Variants in HDX observed in about 807,000 individuals in gnomAD.
The protein encoded by HDX is highly divergent homeobox.
HDX carries 19 observed loss-of-function variants against 45.2 expected under a neutral mutation model. The observed-to-expected ratio is 0.42, with a 90% CI of 0.29 to 0.62. HDX has a LOEUF of 0.62. Among genes scored for constraint, HDX ranks in the 20% least tolerant of loss-of-function variants. The pLI, the probability that HDX is intolerant of heterozygous loss-of-function variation, is 0.20. For synonymous variants in HDX, 188 were observed against 172.8 expected (o/e 1.09, Z -0.69); for missense variants, 532 against 493.9 (o/e 1.08, Z -0.73).
intron 5 of HDX, among the ~76,000 whole-genome samples, chrX:84,409,873 A>G (rs1364265046): frequency 9.6e-6 from 1 of 103,750 alleles, no homozygotes; most frequent in Non-Finnish European, 2.0e-5. Flanking sequence ...AAAATATAAT[A>G]ATAATAAAAT....
intron 6 of HDX, among the ~76,000 whole-genome samples, chrX:84,349,889 A>G (rs1278595148): frequency 1.8e-5 from 2 of 109,775 alleles, no homozygotes; most frequent in East Asian, 5.8e-4. Context: ...AGAGAGTGGA[A>G]TAATAGACAA....
At chrX:84,497,754 C>T (rs1046468674) in intron 1 of HDX, among the ~76,000 whole-genome samples, 4 of 109,869 alleles carry the variant, frequency 3.6e-5, no homozygotes, top group African/African-American at 1.3e-4. Context: ...TGTGTGTATA[C>T]ACATAAATTT....
intron 4 of HDX, among the ~76,000 whole-genome samples, chrX:84,450,492 T>C (rs1004940843): frequency 9.0e-6 from 1 of 111,504 alleles, no homozygotes; most frequent in African/African-American, 3.3e-5. Context: ...CAAAAGGATA[T>C]AAAAATTCTA....
At position 84,321,770 on chromosome X, in the gene HDX, CCGTTT is replaced by C; in HGVS notation, c.*114_*118del. On this transcript the variant is annotated 3_prime_UTR_variant, in exon 11 of 11. Coordinates refer to ENST00000373177, the MANE Select transcript of HDX (RefSeq NM_001177479.2). ...CTTGTACATTCTTCACAGAATACGTCCGTTTCAACAATGTGTTTTCCCAACTAAAG... is the reference window on the plus strand; with the variant it reads ...CTTGTACATTCTTCACAGAATACGTCCAACAATGTGTTTTCCCAACTAAAG... The C allele has an allele frequency of 2.0e-6, 1 of 511,022 alleles. No homozygotes were observed. The highest frequency in any genetic ancestry group is 3.1e-6 in the Non-Finnish European group (1 of 321,954). The allele number at this position is 511,022 out of a possible 1,213,427, so 42.1% of individuals were successfully genotyped here.
In HDX at chrX:84,333,800, T is replaced by G. The variant is rs1304963852; in HGVS notation, c.1783A>C (p.Asn595His). 1 of 982,683 alleles carries G rather than the reference T, an allele frequency of 1.0e-6. No individual in the cohort carries two copies. The highest frequency in any genetic ancestry group is 1.4e-6 in the Non-Finnish European group (1 of 698,277). The allele number at this position is 982,683 out of a possible 1,213,427, so 81.0% of individuals were successfully genotyped here. A position where few individuals can be genotyped will look rare whatever the true frequency, so the allele number is the denominator to read the frequency against. The change falls in exon 9 of 11, where the codon AAT becomes CAT. Residue 595 changes from asparagine (N) to histidine (H), a missense_variant. Coordinates refer to ENST00000373177, the MANE Select transcript of HDX (RefSeq NM_001177479.2). ...GAGTTTACTTGTTCTACTTCAGAAT[T>G]ACTTATCATGTCACTTTCTTCATCA... ...IDDEESDMIS[N>H]SEVEQVNSFL... is the part of the protein sequence containing the mutation.
chrX:84,464,202 A>T (rs975898290), intron 4 of HDX, among the ~76,000 whole-genome samples: 1 of 111,781 alleles, frequency 8.9e-6, no homozygotes, highest in South Asian at 3.7e-4. Context: ...AAAACATTCC[A>T]TGCTCATGGA....
intron 4 of HDX, among the ~76,000 whole-genome samples, chrX:84,467,151 G>A (rs745923487): frequency 1.8e-5 from 2 of 111,343 alleles, no homozygotes; most frequent in South Asian, 7.6e-4. Context: ...TGATGATGAT[G>A]GAGTTCTTGT....
At chrX:84,323,992 C>T (rs1161332292) in intron 10 of HDX, among the ~76,000 whole-genome samples, 1 of 112,208 alleles carries the variant, frequency 8.9e-6, no homozygotes, top group Non-Finnish European at 1.9e-5. Context: ...AATTGAAGTT[C>T]AAGAAACGCA....
At chrX:84,335,413 ATT>A (rs2036939209) in intron 8 of HDX, among the ~76,000 whole-genome samples, 2 of 111,246 alleles carry the variant, frequency 1.8e-5, no homozygotes, top group Admixed American at 9.6e-5. Context: ...AAAGTGTGGC[ATT>A]TTGTTTCTAA....
Position 84,318,924 on chromosome X carries a change from T to C in HDX, c.*2965A>G, listed in dbSNP as rs186112119. 1 of 111,258 alleles carries C rather than the reference T, an allele frequency of 9.0e-6. No homozygotes were observed. The highest frequency in any genetic ancestry group is 1.9e-5 in the Non-Finnish European group (1 of 52,580). The allele number at this position is 111,258 out of a possible 1,213,427, so 9.2% of individuals were successfully genotyped here. ...TAAGGTTTTCTTTGCATGTGCTAAT[T>C]TTCCTATTCTCCAGAGCAATTGCAA... On this transcript the variant is annotated 3_prime_UTR_variant, in exon 11 of 11. Coordinates refer to ENST00000373177, the MANE Select transcript of HDX (RefSeq NM_001177479.2).
At position 84,322,017 on chromosome X, in the gene HDX, G is replaced by C; in HGVS notation, c.1948-3C>G. 1.8e-6 allele frequency: 2 copies of C among 1,135,550 alleles called. No homozygotes were observed. Among genetic ancestry groups the C allele is most frequent in the Non-Finnish European group, 2.4e-6 (2 of 847,484 alleles). 93.6% of individuals were successfully genotyped at this position (1,135,550 alleles called of 1,213,427 possible). ...GGAGGTAAATCTGACAGCAGTGCCT[G>C]AATAAAAAAAATAATATTTTTGGAT... is the stretch of plus-strand genomic sequence containing the variant. On this transcript the variant is annotated splice_polypyrimidine_tract_variant and splice_region_variant and intron_variant, in intron 10 of 10. Coordinates refer to ENST00000373177, the MANE Select transcript of HDX (RefSeq NM_001177479.2).
chrX:84,338,306 TCTC>T (rs2037010293), intron 7 of HDX, among the ~76,000 whole-genome samples: 1 of 110,711 alleles, frequency 9.0e-6, no homozygotes, highest in Non-Finnish European at 1.9e-5. Flanking sequence ...AATGTTTTTG[TCTC>T]CTCTGCTATA....
intron 4 of HDX, among the ~76,000 whole-genome samples, chrX:84,460,600 TG>T (rs911947201): frequency 4.5e-5 from 5 of 111,692 alleles, no homozygotes; most frequent in Non-Finnish European, 1.9e-5. Flanking sequence ...TCATACTGAA[TG>T]GGGACAAAAT....
chrX:84,415,842 G>A (rs755814153), intron 5 of HDX, among the ~76,000 whole-genome samples: 8 of 111,671 alleles, frequency 7.2e-5, no homozygotes, highest in South Asian at 3.7e-4. Flanking sequence ...CTTAATGTGC[G>A]GAATGTAACT....
At position 84,406,521 on chromosome X, in the gene HDX, C is replaced by CAT. The variant is rs1569321688; in HGVS notation, c.1305+34010_1305+34011insAT. The stretch of plus-strand genomic sequence containing the variant: ...ACACATACACACACACACACACATA[C>CAT]ACACACACACACACTCTATGTATCT... On this transcript the variant is annotated intron_variant, in intron 5 of 10. Coordinates refer to ENST00000373177, the MANE Select transcript of HDX (RefSeq NM_001177479.2). Among the ~76,000 whole-genome samples the CAT allele has an allele frequency of 4.6e-3, 130 of 28,522 alleles. 1 individual carries two copies. Among genetic ancestry groups the CAT allele is most frequent in the African/African-American group, 0.013 (123 of 9,814 alleles). The allele number at this position is 28,522 out of a possible 115,157, so 24.8% of individuals were successfully genotyped here. A position where few individuals can be genotyped will look rare whatever the true frequency, so the allele number is the denominator to read the frequency against.
intron 5 of HDX, among the ~76,000 whole-genome samples, chrX:84,437,172 G>A (rs2039655667): frequency 9.0e-6 from 1 of 111,295 alleles, no homozygotes. Flanking sequence ...TATCTATATT[G>A]GATAAAACAA....
intron 4 of HDX, among the ~76,000 whole-genome samples, chrX:84,464,475 G>C (rs1182619699): frequency 9.0e-6 from 1 of 111,376 alleles, no homozygotes; most frequent in African/African-American, 3.3e-5. Flanking sequence ...TACCAAAACA[G>C]ATATATAGAC....
At chrX:84,437,370 C>A (rs1367048307) in intron 5 of HDX, among the ~76,000 whole-genome samples, 1 of 110,556 alleles carries the variant, frequency 9.0e-6, no homozygotes, top group Non-Finnish European at 1.9e-5. Context: ...TGGGCTCAAG[C>A]AATCCTCCCA....
intron 1 of HDX, among the ~76,000 whole-genome samples, chrX:84,493,109 CCTCT>C (rs2040926491): frequency 9.0e-6 from 1 of 110,877 alleles, no homozygotes; most frequent in Non-Finnish European, 1.9e-5. Context: ...TGGGGATTCA[CCTCT>C]CTATTTACTT....
Sources: gnomAD v4.1 joint callset for allele counts (sites outside exome capture counted in the v4.1 genomes callset) on GRCh38, gnomAD v4.1.1 for gene constraint, MANE v1.5 for transcripts, NCBI Gene and HGNC (gene_info 2026-07-23, HGNC 2026-07-21) for gene names.